Variants in NUDCD1 observed in about 807,000 individuals in gnomAD.
The protein encoded by NUDCD1 is NudC domain containing 1.
In NUDCD1, 60 loss-of-function variants were observed where a neutral mutation model predicts 67.8. The observed-to-expected ratio is 0.88, with a 90% CI of 0.72 to 1.10. The LOEUF is 1.10. Among genes scored for constraint, NUDCD1 ranks in the 50% least tolerant of loss-of-function variants. The pLI, the probability that NUDCD1 is intolerant of heterozygous loss-of-function variation, is 0.00. For synonymous variants in NUDCD1, 244 were observed against 230.8 expected, an observed-to-expected ratio of 1.06 and a Z score of -0.52; for missense variants, 643 against 695.0, an observed-to-expected ratio of 0.93 and a Z score of 0.84.
At chr8:109,257,453 T>C (rs1813764756) in intron 8 of NUDCD1, among the ~76,000 whole-genome samples, 1 of 152,034 alleles carries the variant, frequency 6.6e-6, no homozygotes, top group Non-Finnish European at 1.5e-5. Context: ...AAGGAAAACC[T>C]AAATAAATGA....
intron 1 of NUDCD1, among the ~76,000 whole-genome samples, chr8:109,326,209 T>C (rs1815679329): frequency 1.3e-5 from 2 of 152,198 alleles, no homozygotes. Flanking sequence ...TTCATGATTG[T>C]TTCATTCCAA....
At chr8:109,248,874 C>T (rs760308209) in intron 8 of NUDCD1, among the ~76,000 whole-genome samples, 1 of 152,012 alleles carries the variant, frequency 6.6e-6, no homozygotes, top group Non-Finnish European at 1.5e-5. Context: ...TCCCCTATTT[C>T]CCCATTCCTT....
chr8:109,321,932 A>T (rs1050331283), intron 2 of NUDCD1, among the ~76,000 whole-genome samples: 2 of 152,178 alleles, frequency 1.3e-5, no homozygotes, highest in African/African-American at 4.8e-5. Context: ...AACAATCCTA[A>T]ATGTTTGTAC....
At position 109,266,461 on chromosome 8, in the gene NUDCD1, G is replaced by A. The variant is rs190083872; in HGVS notation, c.1299+4544C>T. Among the ~76,000 whole-genome samples the A allele has an allele frequency of 7.3e-3, 1,064 of 145,338 alleles. 19 individuals are homozygous for A. The highest frequency in any genetic ancestry group is 0.027 in the African/African-American group (1,028 of 38,694). On this transcript the variant is annotated intron_variant, in intron 8 of 9. Transcript: ENST00000239690. ...GGGTTTCACTGTGTTAGCCAGGATG[G>A]TCTCGATTTCCTGACCTCGTGATCC...
chr8:109,290,258 C>A (rs1814679157), intron 4 of NUDCD1, among the ~76,000 whole-genome samples: 1 of 152,094 alleles, frequency 6.6e-6, no homozygotes, highest in Non-Finnish European at 1.5e-5. Flanking sequence ...TGCTCAATAG[C>A]CACACATGGC....
At chr8:109,316,591 GTCTAGTTA>G (rs1433039088) in intron 2 of NUDCD1, 1 of 152,170 alleles carries the variant, frequency 6.6e-6, no homozygotes, top group African/African-American at 2.4e-5. Flanking sequence ...TAAGCCAATA[GTCTAGTTA>G]GTGGTCAACA....
intron 5 of NUDCD1, among the ~76,000 whole-genome samples, chr8:109,282,481 A>G (rs1313178070): frequency 6.6e-6 from 1 of 152,148 alleles, no homozygotes; most frequent in Admixed American, 6.5e-5. Flanking sequence ...AAACAAACAA[A>G]CAAACAAAAA....
At chr8:109,330,575 G>A (rs916471921) in intron 1 of NUDCD1, among the ~76,000 whole-genome samples, 2 of 152,170 alleles carry the variant, frequency 1.3e-5, no homozygotes, top group African/African-American at 2.4e-5. Context: ...CCTCCTATCT[G>A]CTGTGTGCAG....
chr8:109,309,171 A>G (rs1382487872), intron 2 of NUDCD1, among the ~76,000 whole-genome samples: 2 of 151,704 alleles, frequency 1.3e-5, no homozygotes, highest in African/African-American at 4.9e-5. Flanking sequence ...AGAAAACTAC[A>G]GAGAGATATC....
chr8:109,307,772 T>C (rs758494370), intron 2 of NUDCD1, among the ~76,000 whole-genome samples: 7 of 152,006 alleles, frequency 4.6e-5, no homozygotes, highest in Non-Finnish European at 8.8e-5. Context: ...GGTAAAAGGG[T>C]AGAAAGAGAC....
chr8:109,246,427 T>C (rs965868861), intron 8 of NUDCD1, among the ~76,000 whole-genome samples: 14 of 152,130 alleles, frequency 9.2e-5, no homozygotes, highest in African/African-American at 2.9e-4. Flanking sequence ...AAGAGAAATA[T>C]CACAATGCTG....
intron 1 of NUDCD1, among the ~76,000 whole-genome samples, chr8:109,330,155 C>G: frequency 6.6e-6 from 1 of 152,184 alleles, no homozygotes; most frequent in Non-Finnish European, 1.5e-5. Flanking sequence ...AGGAAATTGC[C>G]GGATCAAAAG....
At chr8:109,278,157 C>T (rs60171547) in intron 6 of NUDCD1, among the ~76,000 whole-genome samples, 1 of 152,226 alleles carries the variant, frequency 6.6e-6, no homozygotes, top group African/African-American at 2.4e-5. Flanking sequence ...TTAAATCAAC[C>T]ATTTCTCATT....
chr8:109,273,364 A>G (rs1814203448), intron 7 of NUDCD1, among the ~76,000 whole-genome samples: 1 of 152,122 alleles, frequency 6.6e-6, no homozygotes, highest in Non-Finnish European at 1.5e-5. Context: ...ATCAAATCAA[A>G]TCAATCCCTA....
chr8:109,311,556 G>GATATATATATATATATAT (rs1563681331), intron 2 of NUDCD1, among the ~76,000 whole-genome samples: 3 of 53,974 alleles, frequency 5.6e-5, no homozygotes, highest in African/African-American at 3.8e-4. Context: ...AAGAAACTGT[G>GATATATATATATATATAT]GTGTATATAT....
intron 8 of NUDCD1, among the ~76,000 whole-genome samples, chr8:109,258,638 CT>C (rs1813793660): frequency 6.6e-6 from 1 of 151,936 alleles, no homozygotes; most frequent in East Asian, 1.9e-4. Context: ...AAAACAACAG[CT>C]TCTAGGAAGA....
intron 9 of NUDCD1, among the ~76,000 whole-genome samples, chr8:109,243,621 C>T (rs1292531116): frequency 2.0e-5 from 3 of 152,158 alleles, no homozygotes; most frequent in African/African-American, 7.2e-5. Flanking sequence ...ACACTCAATA[C>T]ATGACAAAAT....
rs1432044201 is a variant in NUDCD1 at position 109,241,054 on chromosome 8, T to A, written c.*1955A>T. ...GTAGTATATATCTCAATGTTCTAAG[T>A]ATATGTACCTTAGAACATTGTTTAA... On this transcript the variant is annotated 3_prime_UTR_variant, in exon 10 of 10. Transcript: ENST00000239690. The A allele has an allele frequency of 6.6e-6, 1 of 152,092 alleles. No individual in the cohort carries two copies. The highest frequency in any genetic ancestry group is 3.2e-3 in the Middle Eastern group (1 of 316). 9.4% of individuals were successfully genotyped at this position (152,092 alleles called of 1,614,324 possible).
chr8:109,296,376 A>G lies in NUDCD1; in HGVS notation c.459+8T>C. The G allele has an allele frequency of 1.9e-6, 3 of 1,582,564 alleles. No individual in the cohort carries two copies. The highest frequency in any genetic ancestry group is 2.6e-6 in the Non-Finnish European group (3 of 1,152,080). ...TGGACTTCGCATAAGTCTTAAACAA[A>G]CCCTCACCTCCCATTTTTCAGAAGC... On this transcript the variant is annotated splice_region_variant and intron_variant, in intron 3 of 9. Coordinates refer to ENST00000239690, the MANE Select transcript of NUDCD1 (RefSeq NM_032869.4).
Sources: gnomAD v4.1 joint callset for allele counts (sites outside exome capture counted in the v4.1 genomes callset) on GRCh38, gnomAD v4.1.1 for gene constraint, MANE v1.5 for transcripts, NCBI Gene and HGNC (gene_info 2026-07-23, HGNC 2026-07-21) for gene names.